The following STYX variants were observed in gnomAD, a reference collection of about 807,000 sequenced individuals.
STYX encodes serine/threonine/tyrosine interacting protein.
A neutral mutation model predicts 42.7 loss-of-function variants in STYX; 20 were observed. The observed-to-expected ratio is 0.47, with a 90% CI of 0.33 to 0.68. The LOEUF (loss-of-function observed/expected upper bound fraction) is 0.68, where lower values mean the gene tolerates loss of function less well. Among genes scored for constraint, STYX ranks in the 30% least tolerant of loss-of-function variants. The probability of loss-of-function intolerance (pLI) is 0.02; values close to 1 mark genes in which losing one functional copy is unlikely to be tolerated. For synonymous variants in STYX, 78 were observed against 81.9 expected (o/e 0.95, Z 0.26); for missense variants, 226 against 268.5 (o/e 0.84, Z 1.11).
intron 4 of STYX, among the ~76,000 whole-genome samples, chr14:52,752,730 A>G (rs866743293): frequency 3.3e-5 from 5 of 152,190 alleles, no homozygotes; most frequent in Middle Eastern, 3.4e-3. Flanking sequence ...TACATTCCAT[A>G]TATTTATTCT....
chr14:52,758,381 T>G (rs956348084), intron 8 of STYX, among the ~76,000 whole-genome samples: 1 of 152,164 alleles, frequency 6.6e-6, no homozygotes, highest in Non-Finnish European at 1.5e-5. Context: ...GTAATGAGCT[T>G]CTTGCCCCAA....
chr14:52,746,640 T>C (rs1881407397), intron 3 of STYX, among the ~76,000 whole-genome samples, 161 bp downstream of exon 3: 1 of 152,230 alleles, frequency 6.6e-6, no homozygotes, highest in African/African-American at 2.4e-5. Flanking sequence ...CCTATTTTAC[T>C]AGACCAGTAG....
Position 52,768,583 on chromosome 14 carries a change from T to G in STYX, c.505-257T>G, listed in dbSNP as rs1882396806. 2.0e-5 allele frequency among the ~76,000 whole-genome samples: 3 copies of G among 152,312 alleles called. No individual in the cohort carries two copies. In the South Asian group the frequency reaches 6.2e-4, roughly 32 times the overall value. ...TTTAAACAGATGAAGTCAGAGATCA[T>G]TATAGCTAATGCCATACTGACTGGC... On this transcript the variant is annotated intron_variant, in intron 9 of 10. Coordinates refer to ENST00000354586, the MANE Select transcript of STYX (RefSeq NM_145251.4).
chr14:52,768,364 C>T (rs184896908), intron 9 of STYX, among the ~76,000 whole-genome samples: 20 of 152,240 alleles, frequency 1.3e-4, no homozygotes, highest in African/African-American at 4.3e-4. Context: ...ACTATCCTGA[C>T]GTAGCTGGTA....
At chr14:52,742,945 G>A (rs1368905819) in intron 1 of STYX, among the ~76,000 whole-genome samples, 1 of 151,582 alleles carries the variant, frequency 6.6e-6, no homozygotes, top group Admixed American at 6.6e-5. Flanking sequence ...ACAGGCTCCC[G>A]CCACCATGCC....
chr14:52,766,445 G>A (rs1275084354), intron 9 of STYX, among the ~76,000 whole-genome samples: 7 of 151,966 alleles, frequency 4.6e-5, no homozygotes, highest in African/African-American at 9.7e-5. Context: ...CTGGGATTAC[G>A]ACGTGAGACC....
chr14:52,772,492 G>A lies in STYX; in HGVS notation c.*1386G>A, dbSNP rs891270457. On this transcript the variant is annotated 3_prime_UTR_variant, in exon 11 of 11. Transcript: ENST00000354586. ...ATTTTAAGTATGTAAGGGAAGAGAG[G>A]AGTGTTTTTAACTTTTTATAGTTGA... 1.3e-5 allele frequency: 2 copies of A among 152,596 alleles called. No individual in the cohort carries two copies. Among genetic ancestry groups the A allele is most frequent in the African/African-American group, 2.4e-5 (1 of 41,450 alleles). 9.5% of individuals were successfully genotyped at this position (152,596 alleles called of 1,614,324 possible).
rs1255761221 is a variant in STYX, at chr14:52,730,209, G to A, written c.-266G>A. On this transcript the variant is annotated 5_prime_UTR_variant, in exon 1 of 11. Transcript: ENST00000354586. ...TGTGCTGGATCCTGGGCGGCCTGAGGGGTACGGAGACTCTGGGGGAGGGAG... is the reference window on the plus strand; with the variant it reads ...TGTGCTGGATCCTGGGCGGCCTGAGAGGTACGGAGACTCTGGGGGAGGGAG... The A allele has an allele frequency of 7.7e-6, 4 of 520,972 alleles. No homozygotes were observed. In the Admixed American group the frequency reaches 1.0e-4, roughly 14 times the overall value. 32.3% of individuals were successfully genotyped at this position (520,972 alleles called of 1,614,324 possible).
Position 52,763,129 on chromosome 14 carries a change from G to A in STYX, c.504+3375G>A, listed in dbSNP as rs1400273509. 4.6e-5 allele frequency among the ~76,000 whole-genome samples: 7 copies of A among 151,766 alleles called. No individual in the cohort carries two copies. In the East Asian group the frequency reaches 1.3e-3, roughly 29 times the overall value. On this transcript the variant is annotated intron_variant, in intron 9 of 10. Transcript: ENST00000354586. ...GCTGGTCTCAAACTCCTAACCTCTG[G>A]TGATCCGCCCGCCTCGGCCCCCAGA...
At chr14:52,753,047 A>ATTTTTTTTTTTTTT (rs959737468) in intron 4 of STYX, among the ~76,000 whole-genome samples, 1 of 88,670 alleles carries the variant, frequency 1.1e-5, no homozygotes. Context: ...CACCCAGCTA[A>ATTTTTTTTTTTTTT]TTTTTTTTTT....
chr14:52,769,633 C>G (rs1270503438), intron 10 of STYX, among the ~76,000 whole-genome samples: 2 of 152,150 alleles, frequency 1.3e-5, no homozygotes, highest in African/African-American at 4.8e-5. Flanking sequence ...GGCTCAACTT[C>G]CTAATTGTCA....
At chr14:52,731,433 C>CTTTTTT (rs34855760) in intron 1 of STYX, among the ~76,000 whole-genome samples, 112 of 105,622 alleles carry the variant, frequency 1.1e-3, no homozygotes, top group Non-Finnish European at 1.2e-3. Context: ...TGGAGGTTCA[C>CTTTTTT]TTTTTTTTTT....
chr14:52,744,639 G>A (rs1451417610), intron 1 of STYX, among the ~76,000 whole-genome samples: 1 of 152,128 alleles, frequency 6.6e-6, no homozygotes, highest in Non-Finnish European at 1.5e-5. Flanking sequence ...TAACAATTCT[G>A]GAAGCCTAGT....
intron 3 of STYX, among the ~76,000 whole-genome samples, chr14:52,750,417 T>C (rs931749564): frequency 2.0e-5 from 3 of 152,202 alleles, no homozygotes; most frequent in Non-Finnish European, 2.9e-5. Flanking sequence ...CCAAACATCT[T>C]ACATAAAGGT....
intron 1 of STYX, among the ~76,000 whole-genome samples, chr14:52,739,126 CTT>C (rs1190361955): frequency 2.8e-5 from 4 of 145,364 alleles, no homozygotes; most frequent in Non-Finnish European, 1.5e-5. Flanking sequence ...AAAAATACCA[CTT>C]TTTTTTTTTT....
intron 10 of STYX, among the ~76,000 whole-genome samples, chr14:52,770,777 T>C (rs1882480483): frequency 6.6e-6 from 1 of 152,128 alleles, no homozygotes; most frequent in Non-Finnish European, 1.5e-5. Flanking sequence ...ATTTTCACAC[T>C]ATTTCAAAAA....
intron 4 of STYX, among the ~76,000 whole-genome samples, chr14:52,755,067 A>G (rs1566676051): frequency 6.8e-6 from 1 of 147,844 alleles, no homozygotes; most frequent in Non-Finnish European, 1.5e-5. Context: ...TAAATATTGG[A>G]TTTTCCTCAG....
intron 4 of STYX, among the ~76,000 whole-genome samples, chr14:52,753,047 A>AT (rs959737468): frequency 0.14 from 12,548 of 88,536 alleles, 937 homozygotes; most frequent in South Asian, 0.17. Context: ...CACCCAGCTA[A>AT]TTTTTTTTTT....
intron 1 of STYX, among the ~76,000 whole-genome samples, chr14:52,734,925 C>T (rs1463351656): frequency 6.6e-6 from 1 of 151,870 alleles, no homozygotes; most frequent in Middle Eastern, 3.2e-3. Context: ...GGTATGGTGG[C>T]GGGCGCCTGT....
Sources: allele counts gnomAD v4.1 joint callset (sites outside exome capture counted in the v4.1 genomes callset), GRCh38; gene constraint gnomAD v4.1.1; transcripts MANE v1.5; gene names NCBI Gene and HGNC (gene_info 2026-07-23, HGNC 2026-07-21).